Variants in ARHGAP26 observed in about 807,000 individuals in gnomAD.
ARHGAP26 encodes the protein Rho GTPase activating protein 26.
A neutral mutation model predicts 104.8 loss-of-function variants in ARHGAP26; 38 were observed. That is an observed-to-expected ratio of 0.36 (90% confidence interval 0.28 to 0.48). The LOEUF is 0.48. Among genes scored for constraint, ARHGAP26 ranks in the 20% least tolerant of loss-of-function variants. ARHGAP26 has a pLI of 0.99. For synonymous variants in ARHGAP26, 341 were observed against 340.0 expected (o/e 1.00, Z -0.03); for missense variants, 704 against 947.9 (o/e 0.74, Z 3.38).
chr5:143,065,373 C>T (rs1001880446), intron 17 of ARHGAP26, among the ~76,000 whole-genome samples: 1 of 152,114 alleles, frequency 6.6e-6, no homozygotes, highest in African/African-American at 2.4e-5. Context: ...TACTTATGTT[C>T]TTACATTGAC....
At chr5:143,219,432 G>T (rs780521873) in intron 22 of ARHGAP26, among the ~76,000 whole-genome samples, 7 of 152,110 alleles carry the variant, frequency 4.6e-5, no homozygotes, top group Non-Finnish European at 8.8e-5. Flanking sequence ...AAACCAAAAC[G>T]CACTGAAAAA....
intron 11 of ARHGAP26, among the ~76,000 whole-genome samples, chr5:142,984,997 A>G (rs1179703440): frequency 2.0e-5 from 3 of 152,064 alleles, no homozygotes; most frequent in Admixed American, 1.3e-4. Context: ...GTTATCATAG[A>G]CGACAGCTCT....
intron 12 of ARHGAP26, among the ~76,000 whole-genome samples, chr5:143,026,221 T>C (rs1297506088): frequency 6.6e-6 from 1 of 152,228 alleles, no homozygotes; most frequent in Admixed American, 6.5e-5. Context: ...ATGGATTGTA[T>C]TTATTCTTTC....
At chr5:143,023,201 A>T (rs184203276) in intron 12 of ARHGAP26, among the ~76,000 whole-genome samples, 13 of 152,378 alleles carry the variant, frequency 8.5e-5, no homozygotes, top group African/African-American at 2.6e-4. Flanking sequence ...GCCGTCATTC[A>T]GAGCAAACTC....
chr5:142,774,048 G>A (rs1178547114), intron 1 of ARHGAP26, among the ~76,000 whole-genome samples: 2 of 152,194 alleles, frequency 1.3e-5, no homozygotes, highest in Non-Finnish European at 2.9e-5. Flanking sequence ...TTGTTTAGGA[G>A]TAATTATGTT....
At chr5:143,126,898 CT>C (rs1235794217) in intron 18 of ARHGAP26, among the ~76,000 whole-genome samples, 2 of 152,114 alleles carry the variant, frequency 1.3e-5, no homozygotes, top group Admixed American at 1.3e-4. Flanking sequence ...AAACTCACAC[CT>C]TATCACACTG....
chr5:142,963,164 GTATATATGTA>G (rs1353850299), intron 11 of ARHGAP26, among the ~76,000 whole-genome samples: 1 of 75,506 alleles, frequency 1.3e-5, no homozygotes, highest in Non-Finnish European at 2.6e-5. Context: ...GTATTCCATG[GTATATATGTA>G]TATATATATA....
intron 20 of ARHGAP26, among the ~76,000 whole-genome samples, chr5:143,175,626 C>A (rs951774634): frequency 6.6e-6 from 1 of 151,796 alleles, no homozygotes; most frequent in South Asian, 2.1e-4. Flanking sequence ...GACTTCAACA[C>A]CTGGTCTAGA....
intron 22 of ARHGAP26, among the ~76,000 whole-genome samples, chr5:143,220,049 T>C (rs983433310): frequency 3.9e-5 from 6 of 152,164 alleles, no homozygotes; most frequent in African/African-American, 1.4e-4. Context: ...TTCACCCCAG[T>C]ACCTGTGCTG....
chr5:143,005,174 A>T (rs1777764524), intron 11 of ARHGAP26, among the ~76,000 whole-genome samples: 1 of 152,246 alleles, frequency 6.6e-6, no homozygotes, highest in Admixed American at 6.5e-5. Flanking sequence ...CTATAGAAAG[A>T]GCAGGGATGA....
intron 17 of ARHGAP26, among the ~76,000 whole-genome samples, chr5:143,076,662 G>A (rs1361494418): frequency 1.3e-5 from 2 of 152,086 alleles, no homozygotes; most frequent in African/African-American, 4.8e-5. Context: ...TTTGAACTAT[G>A]TTTTGATACT....
At chr5:142,878,543 ATG>A (rs3059615) in intron 3 of ARHGAP26, among the ~76,000 whole-genome samples, 64,637 of 150,634 alleles carry the variant, frequency 0.43, 16,933 homozygotes, top group East Asian at 0.86. Context: ...GTGTGCACGC[ATG>A]TGTGTGTGTG....
chr5:143,154,898 G>C (rs1250778759), intron 20 of ARHGAP26, among the ~76,000 whole-genome samples: 10 of 151,830 alleles, frequency 6.6e-5, no homozygotes, highest in Non-Finnish European at 1.0e-4. Flanking sequence ...GCTATTTTAT[G>C]CCAAAGGGTT....
At chr5:143,044,937 A>G (rs1480679486) in intron 14 of ARHGAP26, among the ~76,000 whole-genome samples, 1 of 152,198 alleles carries the variant, frequency 6.6e-6, no homozygotes, top group African/African-American at 2.4e-5. Flanking sequence ...CTTTTAACCA[A>G]CTTGATATGG....
chr5:142,995,695 A>G (rs1050055899), intron 11 of ARHGAP26, among the ~76,000 whole-genome samples: 3 of 152,242 alleles, frequency 2.0e-5, no homozygotes, highest in African/African-American at 7.2e-5. Context: ...TCATTCTACT[A>G]TAAAGACACA....
intron 1 of ARHGAP26, among the ~76,000 whole-genome samples, chr5:142,841,225 T>C (rs892061968): frequency 2.0e-5 from 3 of 152,078 alleles, no homozygotes; most frequent in Non-Finnish European, 4.4e-5. Flanking sequence ...AAGAAAGCAA[T>C]GAGACACAAA....
intron 1 of ARHGAP26, among the ~76,000 whole-genome samples, chr5:142,821,351 C>G (rs1766149829): frequency 7.5e-6 from 1 of 133,826 alleles, no homozygotes; most frequent in Admixed American, 8.1e-5. Context: ...CAAGGACTGC[C>G]TTACAGAGGT....
intron 17 of ARHGAP26, among the ~76,000 whole-genome samples, chr5:143,076,320 C>T (rs1210365821): frequency 9.2e-5 from 14 of 152,018 alleles, no homozygotes; most frequent in Admixed American, 8.5e-4. Context: ...TCTGTCAGCC[C>T]CTGAAGTATA....
intron 17 of ARHGAP26, among the ~76,000 whole-genome samples, chr5:143,096,288 A>G (rs7710429): frequency 0.099 from 15,143 of 152,242 alleles, 1,413 homozygotes; most frequent in East Asian, 0.36. Context: ...AAGTCATTAA[A>G]TATTGGGAAG....
Sources: allele counts gnomAD v4.1 joint callset (sites outside exome capture counted in the v4.1 genomes callset), GRCh38; gene constraint gnomAD v4.1.1; transcripts MANE v1.5; gene names NCBI Gene and HGNC (gene_info 2026-07-23, HGNC 2026-07-21).